NEGR1: variants seen among roughly 807,000 people sequenced by gnomAD.
NEGR1 encodes neuronal growth regulator 1.
A neutral mutation model predicts 40.9 loss-of-function variants in NEGR1; 10 were observed. The observed-to-expected ratio is 0.24, with a 90% CI of 0.15 to 0.42. The LOEUF (loss-of-function observed/expected upper bound fraction) is 0.42, where lower values mean the gene tolerates loss of function less well. Ranked by LOEUF, NEGR1 falls within the 10% of genes least tolerant of loss-of-function variation. The pLI is 1.00. For synonymous variants in NEGR1, 185 were observed against 166.8 expected (o/e 1.11, Z -0.84); for missense variants, 352 against 438.9 (o/e 0.80, Z 1.77).
chr1:71,980,349 G>A (rs888945467), intron 1 of NEGR1, among the ~76,000 whole-genome samples: 4 of 152,146 alleles, frequency 2.6e-5, no homozygotes, highest in African/African-American at 9.7e-5. Flanking sequence ...CTTATGCACT[G>A]CATTGTGGTA....
chr1:71,602,165 C>A (rs1398565182), intron 5 of NEGR1, among the ~76,000 whole-genome samples: 1 of 151,732 alleles, frequency 6.6e-6, no homozygotes, highest in Non-Finnish European at 1.5e-5. Flanking sequence ...ATCCTGCACA[C>A]CAAGACATTT....
At chr1:72,266,712 T>C (rs1342142459) in intron 1 of NEGR1, among the ~76,000 whole-genome samples, 1 of 122,010 alleles carries the variant, frequency 8.2e-6, no homozygotes, top group Non-Finnish European at 1.7e-5. Flanking sequence ...TGTATATATA[T>C]ATAGACAGAT....
intron 6 of NEGR1, chr1:71,570,848 T>C (rs1648787601): frequency 7.2e-6 from 1 of 139,312 alleles, no homozygotes; most frequent in African/African-American, 2.7e-5. Flanking sequence ...GCTTATGACT[T>C]AGTCAAAAGC....
intron 1 of NEGR1, among the ~76,000 whole-genome samples, chr1:72,265,991 G>T (rs1365233715): frequency 6.6e-6 from 1 of 150,786 alleles, no homozygotes; most frequent in East Asian, 1.9e-4. Context: ...ATCTTACTTT[G>T]AGATAGCATT....
chr1:71,503,011 G>A (rs1041465959), intron 6 of NEGR1, among the ~76,000 whole-genome samples: 14 of 152,228 alleles, frequency 9.2e-5, no homozygotes, highest in Admixed American at 5.9e-4. Flanking sequence ...GAAATTCTAG[G>A]CCTAGGGAAC....
chr1:72,200,080 T>A (rs1653150531), intron 1 of NEGR1, among the ~76,000 whole-genome samples: 1 of 151,994 alleles, frequency 6.6e-6, no homozygotes, highest in African/African-American at 2.4e-5. Context: ...CTGGTAGGAA[T>A]GTAAATTAGT....
intron 1 of NEGR1, among the ~76,000 whole-genome samples, chr1:72,177,770 G>GT (rs34239145): frequency 3.8e-3 from 541 of 141,648 alleles, no homozygotes; most frequent in South Asian, 4.9e-3. Flanking sequence ...TTTTGTTTTT[G>GT]TTTTTTTTTT....
chr1:71,610,413 C>G (rs1440072690), intron 5 of NEGR1, among the ~76,000 whole-genome samples: 2 of 152,176 alleles, frequency 1.3e-5, no homozygotes, highest in African/African-American at 4.8e-5. Context: ...CCTGTCTTAT[C>G]TTATTCAGTA....
chr1:72,054,793 T>C (rs74089577), intron 1 of NEGR1, among the ~76,000 whole-genome samples: 197 of 151,280 alleles, frequency 1.3e-3, no homozygotes, highest in African/African-American at 4.0e-3. Context: ...TCCACATATA[T>C]ATGGATATTG....
chr1:71,965,317 C>T (rs1454949698), intron 1 of NEGR1, among the ~76,000 whole-genome samples: 1 of 152,164 alleles, frequency 6.6e-6, no homozygotes, highest in Non-Finnish European at 1.5e-5. Flanking sequence ...AAACAAGACA[C>T]TGCATGTCTA....
chr1:72,096,167 G>C (rs957018432), intron 1 of NEGR1, among the ~76,000 whole-genome samples: 3 of 151,994 alleles, frequency 2.0e-5, no homozygotes, highest in South Asian at 2.1e-4. Flanking sequence ...CAAATAACTA[G>C]AAGTGGTGTT....
At chr1:71,415,883 C>T (rs1250471536) in intron 6 of NEGR1, among the ~76,000 whole-genome samples, 3 of 152,042 alleles carry the variant, frequency 2.0e-5, no homozygotes, top group Non-Finnish European at 2.9e-5. Context: ...TCTATGTAAG[C>T]GTCTTGACAT....
chr1:71,726,552 G>T (rs114566839), intron 3 of NEGR1, among the ~76,000 whole-genome samples: 381 of 152,094 alleles, frequency 2.5e-3, no homozygotes, highest in Middle Eastern at 6.8e-3. Context: ...CTTTTATGTT[G>T]TTTTTACTAT....
At chr1:71,411,835 A>G (rs1379759148) in intron 6 of NEGR1, among the ~76,000 whole-genome samples, 1 of 152,096 alleles carries the variant, frequency 6.6e-6, no homozygotes, top group Non-Finnish European at 1.5e-5. Context: ...CCCCGCCTCT[A>G]CTAAAAATAC....
chr1:71,541,850 G>A (rs912999165), intron 6 of NEGR1, among the ~76,000 whole-genome samples: 1 of 151,796 alleles, frequency 6.6e-6, no homozygotes, highest in Non-Finnish European at 1.5e-5. Context: ...GGTGACCAGG[G>A]AGGCTTTCCT....
intron 2 of NEGR1, among the ~76,000 whole-genome samples, chr1:71,908,137 T>A (rs773930276): frequency 1.3e-5 from 2 of 151,090 alleles, no homozygotes; most frequent in African/African-American, 2.4e-5. Context: ...TCTGCACATG[T>A]ACCTCATGAG....
chr1:71,804,986 C>T (rs1657701597), intron 2 of NEGR1, among the ~76,000 whole-genome samples: 1 of 152,122 alleles, frequency 6.6e-6, no homozygotes. Flanking sequence ...AAGGAGAATG[C>T]ATCCCTGAGG....
intron 6 of NEGR1, among the ~76,000 whole-genome samples, chr1:71,446,710 C>T (rs1181703722): frequency 2.0e-5 from 3 of 152,100 alleles, no homozygotes; most frequent in Non-Finnish European, 4.4e-5. Flanking sequence ...AATTGAAATA[C>T]ATTGGAAAAG....
intron 6 of NEGR1, among the ~76,000 whole-genome samples, chr1:71,580,871 T>G (rs1464253963): frequency 6.6e-6 from 1 of 152,182 alleles, no homozygotes; most frequent in East Asian, 1.9e-4. Context: ...TTCTCCTTTA[T>G]AGCCATTCAA....
Sources: allele counts gnomAD v4.1 joint callset (sites outside exome capture counted in the v4.1 genomes callset), GRCh38; gene constraint gnomAD v4.1.1; transcripts MANE v1.5; gene names NCBI Gene and HGNC (gene_info 2026-07-23, HGNC 2026-07-21).